The following MICU2 variants were observed in gnomAD, a reference collection of about 807,000 sequenced individuals.
MICU2 encodes calcium uptake protein 2, mitochondrial.
In MICU2, 64 loss-of-function variants were observed where a neutral mutation model predicts 60.4. That is an observed-to-expected ratio of 1.06 (90% CI 0.87 to 1.31). MICU2 has a LOEUF of 1.31. Among genes scored for constraint, MICU2 ranks in the 50% most tolerant of loss-of-function variants. The pLI is 0.00. For synonymous variants in MICU2, 201 were observed against 175.0 expected (o/e 1.15, Z -1.17); for missense variants, 569 against 531.0 (o/e 1.07, Z -0.70).
chr13:21,539,198 A>C (rs1887213064), intron 4 of MICU2, 104 bp downstream of exon 4: 2 of 959,142 alleles, frequency 2.1e-6, no homozygotes, highest in Admixed American at 5.3e-5. Flanking sequence ...TGTTTTAAAA[A>C]CACCTATTAA....
chr13:21,539,898 G>C (rs1887239522), intron 2 of MICU2, among the ~76,000 whole-genome samples: 1 of 152,124 alleles, frequency 6.6e-6, no homozygotes, highest in Non-Finnish European at 1.5e-5. Context: ...TTTTTCACAA[G>C]ATCCATTTTC....
At chr13:21,520,659 TG>T (rs1886694607) in intron 6 of MICU2, among the ~76,000 whole-genome samples, 3 of 123,878 alleles carry the variant, frequency 2.4e-5, no homozygotes, top group South Asian at 6.0e-4. Flanking sequence ...GAGGTTTTTT[TG>T]TTTTTTTTTT....
intron 2 of MICU2, among the ~76,000 whole-genome samples, chr13:21,549,079 CCA>C (rs1887485869): frequency 6.6e-6 from 1 of 151,912 alleles, no homozygotes; most frequent in South Asian, 2.1e-4. Flanking sequence ...GCGCCCGCCA[CCA>C]CACCTGGCTC....
chr13:21,551,927 A>C (rs550743640), intron 2 of MICU2, among the ~76,000 whole-genome samples: 1 of 152,228 alleles, frequency 6.6e-6, no homozygotes, highest in South Asian at 2.1e-4. Flanking sequence ...AGCATGATTT[A>C]TAATCCTTTG....
intron 8 of MICU2, among the ~76,000 whole-genome samples, chr13:21,509,663 A>C (rs1451909048): frequency 6.6e-6 from 1 of 152,224 alleles, no homozygotes; most frequent in African/African-American, 2.4e-5. Flanking sequence ...CAAAAATAAC[A>C]AATGGTTGTT....
intron 2 of MICU2, among the ~76,000 whole-genome samples, chr13:21,547,367 T>G (rs926681069): frequency 6.6e-6 from 1 of 152,218 alleles, no homozygotes; most frequent in Non-Finnish European, 1.5e-5. Context: ...CTGCTTTACC[T>G]AGGGAAATTC....
At chr13:21,513,648 G>A (rs1241157794) in intron 7 of MICU2, among the ~76,000 whole-genome samples, 1 of 139,288 alleles carries the variant, frequency 7.2e-6, no homozygotes, top group Non-Finnish European at 1.5e-5. Context: ...GCAGAGGCAG[G>A]AGAATCGCTT....
intron 4 of MICU2, among the ~76,000 whole-genome samples, chr13:21,535,885 T>C (rs1887118289): frequency 6.6e-6 from 1 of 152,222 alleles, no homozygotes; most frequent in Non-Finnish European, 1.5e-5. Flanking sequence ...TACTATCTTA[T>C]TTTAAAAGGT....
chr13:21,518,654 G>T (rs188413725), intron 6 of MICU2, among the ~76,000 whole-genome samples: 9 of 152,198 alleles, frequency 5.9e-5, no homozygotes, highest in Admixed American at 5.2e-4. Context: ...TAACCTAACA[G>T]AATTTCACTT....
intron 9 of MICU2, among the ~76,000 whole-genome samples, chr13:21,499,214 G>A (rs1886081175): frequency 1.3e-5 from 2 of 152,222 alleles, no homozygotes; most frequent in South Asian, 4.2e-4. Context: ...GCCTCCCAAA[G>A]TGCTGGAATT....
intron 1 of MICU2, among the ~76,000 whole-genome samples, chr13:21,573,280 G>GT (rs113206294): frequency 0.14 from 7,792 of 57,042 alleles, 664 homozygotes; most frequent in African/African-American, 0.28. Flanking sequence ...ACATTTTTTT[G>GT]TTTTTTTTTT....
rs552748765 is a variant in MICU2 at position 21,597,822 on chromosome 13, T to C, written c.210+6117A>G. On this transcript the variant is annotated intron_variant, in intron 1 of 11. Coordinates refer to ENST00000382374, the MANE Select transcript of MICU2 (RefSeq NM_152726.3). Reference sequence around the variant, plus strand: ...GGAGGGCACCTGTAGTCCCAGCTACTTGGGAGGCTGAGGCAGGAGAATGGC... The same window carrying C: ...GGAGGGCACCTGTAGTCCCAGCTACCTGGGAGGCTGAGGCAGGAGAATGGC... Among the ~76,000 whole-genome samples the C allele has an allele frequency of 2.0e-5, 3 of 150,994 alleles. No homozygotes were observed. In the East Asian group the frequency reaches 5.9e-4, roughly 29 times the overall value.
intron 1 of MICU2, among the ~76,000 whole-genome samples, chr13:21,578,212 G>C (rs146507910): frequency 2.7e-4 from 41 of 152,318 alleles, no homozygotes; most frequent in African/African-American, 9.4e-4. Flanking sequence ...TATCCCCAGT[G>C]CCTAGTGCAT....
chr13:21,583,964 ATAAGAAAAATGACATAAT>A (rs1206597644), intron 1 of MICU2, among the ~76,000 whole-genome samples: 1 of 152,236 alleles, frequency 6.6e-6, no homozygotes, highest in African/African-American at 2.4e-5. Context: ...ATACTAGTGA[ATAAGAAAAATGACATAAT>A]TTCAAACAGT....
In MICU2 at chr13:21,544,947, G is replaced by A. The variant is rs186879766; in HGVS notation, c.359-5259C>T. On this transcript the variant is annotated intron_variant, in intron 2 of 11. Coordinates refer to ENST00000382374, the MANE Select transcript of MICU2 (RefSeq NM_152726.3). ...GATTACACTTGTGAGCCACTGCACCGGCCAGGAAAGGAACTCTTATACACT... is the reference window on the plus strand; with the variant it reads ...GATTACACTTGTGAGCCACTGCACCAGCCAGGAAAGGAACTCTTATACACT... Among the ~76,000 whole-genome samples, 885 of 152,094 alleles carry A rather than the reference G, an allele frequency of 5.8e-3. 9 individuals are homozygous for A. Among genetic ancestry groups the A allele is most frequent in the African/African-American group, 0.02 (842 of 41,514 alleles).
chr13:21,496,371 G>A, intron 9 of MICU2: 1 of 473,764 alleles, frequency 2.1e-6, no homozygotes, highest in Non-Finnish European at 3.7e-6. Context: ...GGCTGGGCAA[G>A]AGGCCTCACC....
chr13:21,588,299 T>C (rs1185815364), intron 1 of MICU2, among the ~76,000 whole-genome samples: 1 of 152,238 alleles, frequency 6.6e-6, no homozygotes, highest in Non-Finnish European at 1.5e-5. Flanking sequence ...AAAACAATTG[T>C]TATGCTTGTG....
chr13:21,590,249 C>G (rs1477833731), intron 1 of MICU2, among the ~76,000 whole-genome samples: 3 of 152,152 alleles, frequency 2.0e-5, no homozygotes, highest in East Asian at 3.9e-4. Context: ...GAACTCTTAG[C>G]AGAAACTCTA....
Position 21,603,892 on chromosome 13 carries a change from G to A in MICU2, c.210+47C>T, listed in dbSNP as rs754444415. ...CCACTCCCCGCCTAAGGGCGTCAGG[G>A]GAGGGAGGAGCTTGACTGGGGCTAG... On this transcript the variant is annotated intron_variant, in intron 1 of 11. Transcript: ENST00000382374. The A allele has an allele frequency of 3.8e-6, 6 of 1,597,298 alleles. No homozygotes were observed. The African/African-American group carries it at 4.1e-5, about 11-fold the overall frequency.
Sources: gnomAD v4.1 joint callset for allele counts (sites outside exome capture counted in the v4.1 genomes callset) on GRCh38, gnomAD v4.1.1 for gene constraint, MANE v1.5 for transcripts, NCBI Gene and HGNC (gene_info 2026-07-23, HGNC 2026-07-21) for gene names.